GALNT18: variants seen among roughly 807,000 people sequenced by gnomAD.
GALNT18 encodes the protein GalNAc-transferase 18.
GALNT18 carries 44 observed loss-of-function variants against 69.5 expected under a neutral mutation model. The observed-to-expected ratio is 0.63, with a 90% CI of 0.50 to 0.81. GALNT18 has a LOEUF of 0.81. Among genes scored for constraint, GALNT18 ranks in the 40% least tolerant of loss-of-function variants. The probability of loss-of-function intolerance (pLI) is 0.00; values close to 1 mark genes in which losing one functional copy is unlikely to be tolerated. For missense variants in GALNT18, 715 were observed against 810.0 expected (o/e 0.88, Z 1.42); for synonymous variants, 364 against 318.2 (o/e 1.14, Z -1.53).
At chr11:11,608,789 C>T (rs1197953339) in intron 1 of GALNT18, among the ~76,000 whole-genome samples, 7 of 152,210 alleles carry the variant, frequency 4.6e-5, no homozygotes, top group Non-Finnish European at 2.9e-5. Flanking sequence ...CCACCACACT[C>T]ACTGAGACGC....
intron 1 of GALNT18, among the ~76,000 whole-genome samples, chr11:11,473,745 C>T (rs759679705): frequency 6.6e-6 from 1 of 152,176 alleles, no homozygotes; most frequent in Non-Finnish European, 1.5e-5. Flanking sequence ...GCATGTCAGG[C>T]ACCTGGCAGA....
intron 1 of GALNT18, among the ~76,000 whole-genome samples, chr11:11,611,887 C>T (rs1565041481): frequency 6.6e-6 from 1 of 152,176 alleles, no homozygotes; most frequent in Non-Finnish European, 1.5e-5. Context: ...CCTTCCAGAC[C>T]AGGGCCTTCT....
chr11:11,332,223 A>T lies in GALNT18; in HGVS notation c.1416+471T>A, dbSNP rs939192926. Among the ~76,000 whole-genome samples the T allele has an allele frequency of 6.6e-6, 1 of 152,086 alleles. No individual in the cohort carries two copies. Among genetic ancestry groups the T allele is most frequent in the Non-Finnish European group, 1.5e-5 (1 of 68,012 alleles). ...GTGCCCATCAACAAGCAGTACTAAA[A>T]ATACAGCAAATAAAATAAATTCAAG... is the stretch of plus-strand genomic sequence containing the variant. On this transcript the variant is annotated intron_variant, in intron 8 of 10. Coordinates refer to ENST00000227756, the MANE Select transcript of GALNT18 (RefSeq NM_198516.3). The surrounding 1 kb of genome is among the most constrained non-coding windows in gnomAD (Gnocchi z 4.3).
chr11:11,528,240 C>T (rs7108601), intron 1 of GALNT18, among the ~76,000 whole-genome samples: 138,399 of 152,318 alleles, frequency 0.91, 62,960 homozygotes, highest in Non-Finnish European at 0.93. Context: ...TTTGTGGAAA[C>T]GTATAGACTA....
At position 11,372,505 on chromosome 11, in the gene GALNT18, C is replaced by G. The variant is rs1850932876; in HGVS notation, c.1092+10G>C. ...TGAGCCGAGCAGTTTGAGTGAGAAA[C>G]CCCACTCACCCTGATCCCAAGCTCC... On this transcript the variant is annotated intron_variant, in intron 6 of 10. Coordinates refer to ENST00000227756, the MANE Select transcript of GALNT18 (RefSeq NM_198516.3). This position sits in a 1 kb window ranked among gnomAD's most constrained non-coding sequence, Gnocchi z 4.9. The G allele has an allele frequency of 6.2e-7, 1 of 1,605,188 alleles. No homozygotes were observed. Among genetic ancestry groups the G allele is most frequent in the Non-Finnish European group, 8.5e-7 (1 of 1,171,948 alleles).
intron 1 of GALNT18, among the ~76,000 whole-genome samples, chr11:11,529,766 C>G (rs1234579110): frequency 1.3e-5 from 2 of 151,974 alleles, no homozygotes; most frequent in African/African-American, 4.8e-5. Context: ...GCACATGTAC[C>G]TATATGTGAA....
rs926695766 is a variant in GALNT18, at chr11:11,616,453, C to T, written c.235+4906G>A. 9.9e-5 allele frequency among the ~76,000 whole-genome samples: 15 copies of T among 152,186 alleles called. No homozygotes were observed. The highest frequency in any genetic ancestry group is 3.1e-4 in the African/African-American group (13 of 41,454). ...AGTACTAATCCCACTTCTGGAAAGA[C>T]ATCCTTAAACATAATTCAAAAAACA... is the stretch of plus-strand genomic sequence containing the variant. On this transcript the variant is annotated intron_variant, in intron 1 of 10. Transcript: ENST00000227756. The surrounding 1 kb of genome is among the most constrained non-coding windows in gnomAD (Gnocchi z 4.4).
chr11:11,528,319 C>T (rs143484826), intron 1 of GALNT18, among the ~76,000 whole-genome samples: 17 of 152,238 alleles, frequency 1.1e-4, no homozygotes, highest in Middle Eastern at 3.4e-3. Context: ...CAACTAAGGC[C>T]AAATTTTGAC....
chr11:11,516,063 T>G (rs1857268623), intron 1 of GALNT18, among the ~76,000 whole-genome samples: 1 of 151,978 alleles, frequency 6.6e-6, no homozygotes, highest in African/African-American at 2.4e-5. Context: ...GGGCCCTGAG[T>G]GTGACAGGGA....
At chr11:11,504,966 A>G (rs1172194199) in intron 1 of GALNT18, among the ~76,000 whole-genome samples, 2 of 152,174 alleles carry the variant, frequency 1.3e-5, no homozygotes, top group African/African-American at 4.8e-5. Flanking sequence ...GCTCACAAGT[A>G]GCTTCCCAGC....
intron 7 of GALNT18, among the ~76,000 whole-genome samples, chr11:11,333,516 A>G (rs180913143): frequency 1.3e-5 from 2 of 152,298 alleles, no homozygotes; most frequent in East Asian, 3.9e-4. Context: ...TGGAGCTGAG[A>G]TTTGAACCCA....
chr11:11,346,777 A>G (rs991221048), intron 6 of GALNT18, among the ~76,000 whole-genome samples: 1 of 152,310 alleles, frequency 6.6e-6, no homozygotes, highest in African/African-American at 2.4e-5. Flanking sequence ...GGCCCTTCCC[A>G]GAAAACCCTA....
At chr11:11,458,913 C>G (rs936791425) in intron 1 of GALNT18, among the ~76,000 whole-genome samples, 6 of 152,352 alleles carry the variant, frequency 3.9e-5, no homozygotes, top group South Asian at 2.1e-4. Context: ...CTAACCTCAT[C>G]TCCAACACTG....
At position 11,347,754 on chromosome 11, in the gene GALNT18, G is replaced by A. The variant is rs369931817; in HGVS notation, c.1093-6750C>T. Among the ~76,000 whole-genome samples the A allele has an allele frequency of 5.3e-5, 8 of 152,306 alleles. No individual in the cohort carries two copies. The East Asian group carries it at 1.2e-3, about 22-fold the overall frequency. On this transcript the variant is annotated intron_variant, in intron 6 of 10. Coordinates refer to ENST00000227756, the MANE Select transcript of GALNT18 (RefSeq NM_198516.3). This position sits in a 1 kb window ranked among gnomAD's most constrained non-coding sequence, Gnocchi z 4.0. The stretch of plus-strand genomic sequence containing the variant: ...AACTCTTGGAACTAATGACTTGTAC[G>A]ACTCATGTGGTCCTTATTTCTTGGC...
At chr11:11,376,773 A>C (rs1853773055) in intron 5 of GALNT18, among the ~76,000 whole-genome samples, 1 of 152,158 alleles carries the variant, frequency 6.6e-6, no homozygotes, top group Non-Finnish European at 1.5e-5. Context: ...ACAAGTGAAA[A>C]TGCTGCCCTC....
intron 6 of GALNT18, among the ~76,000 whole-genome samples, chr11:11,365,861 T>A (rs967982539): frequency 2.6e-5 from 4 of 152,206 alleles, no homozygotes; most frequent in Non-Finnish European, 4.4e-5. Flanking sequence ...TAAGAGGAAC[T>A]CTGTCATGTG....
In GALNT18 at chr11:11,617,458, A is replaced by G. The variant is rs909781680; in HGVS notation, c.235+3901T>C. On this transcript the variant is annotated intron_variant, in intron 1 of 10. Transcript: ENST00000227756. The surrounding 1 kb of genome is among the most constrained non-coding windows in gnomAD (Gnocchi z 4.7). ...CAACAGATAAATGTTAAACCAATAA[A>G]CTATGTAGCAAATATGGAAAAAATA... 6.6e-6 allele frequency among the ~76,000 whole-genome samples: 1 copy of G among 152,210 alleles called. No individual in the cohort carries two copies. Among genetic ancestry groups the G allele is most frequent in the Non-Finnish European group, 1.5e-5 (1 of 68,038 alleles).
chr11:11,437,243 A>G (rs566164578), intron 2 of GALNT18, among the ~76,000 whole-genome samples: 47 of 152,320 alleles, frequency 3.1e-4, no homozygotes, highest in African/African-American at 1.1e-3. Context: ...TTTTGAGAAC[A>G]GGCATATTCT....
chr11:11,499,274 C>T (rs1276439416), intron 1 of GALNT18, among the ~76,000 whole-genome samples: 1 of 152,254 alleles, frequency 6.6e-6, no homozygotes. Flanking sequence ...TTTCCATCAG[C>T]TGGCAGGACA....
Sources: gnomAD v4.1 joint callset for allele counts (sites outside exome capture counted in the v4.1 genomes callset) on GRCh38, gnomAD v4.1.1 for gene constraint, Gnocchi (gnomAD v3.1) non-coding constraint, MANE v1.5 for transcripts, NCBI Gene and HGNC (gene_info 2026-07-23, HGNC 2026-07-21) for gene names.